Variants in C2orf49 observed in about 807,000 individuals in gnomAD.
C2orf49 encodes the protein tRNA splicing ligase complex subunit 2.
C2orf49 carries 11 observed loss-of-function variants against 20.6 expected under a neutral mutation model. The ratio of observed to expected loss-of-function variants is 0.53; its 90% confidence interval spans 0.34 to 0.88. The LOEUF (loss-of-function observed/expected upper bound fraction) is 0.88. C2orf49 is among the 40% of genes least tolerant of loss of function. The probability of loss-of-function intolerance (pLI) is 0.02; values close to 1 mark genes in which losing one functional copy is unlikely to be tolerated. For synonymous variants in C2orf49, 134 were observed against 108.5 expected, an observed-to-expected ratio of 1.24 and a Z score of -1.46; for missense variants, 289 against 274.2, an observed-to-expected ratio of 1.05 and a Z score of -0.38.
At chr2:105,342,329 A>G (rs1468370080) in intron 2 of C2orf49, among the ~76,000 whole-genome samples, 1 of 152,236 alleles carries the variant, frequency 6.6e-6, no homozygotes, top group Non-Finnish European at 1.5e-5. Flanking sequence ...CACTTGCCAG[A>G]TTTTACAATT....
the C2orf49 span, among the ~76,000 whole-genome samples, chr2:105,382,171 C>T: frequency 6.6e-6 from 1 of 152,208 alleles, no homozygotes; most frequent in East Asian, 1.9e-4. Context: ...TTCCTATTAG[C>T]TACAAAAGCT....
At chr2:105,376,119 C>G in the C2orf49 span, 1 of 152,174 alleles carries the variant, frequency 6.6e-6, no homozygotes, top group African/African-American at 2.4e-5. Flanking sequence ...ATCATTACCC[C>G]ATCTGTGAGC....
At chr2:105,342,314 T>G (rs941620708) in intron 2 of C2orf49, among the ~76,000 whole-genome samples, 2 of 152,240 alleles carry the variant, frequency 1.3e-5, no homozygotes, top group African/African-American at 4.8e-5. Flanking sequence ...AAGGTAAGTA[T>G]GAGACACTTG....
the C2orf49 span, among the ~76,000 whole-genome samples, chr2:105,370,692 T>C: frequency 4.6e-5 from 7 of 152,172 alleles, no homozygotes; most frequent in African/African-American, 1.7e-4. Flanking sequence ...TCTAACACTT[T>C]TAAAAATCAA....
chr2:105,339,609 A>T lies in C2orf49; in HGVS notation c.126A>T (p.Val42=). 1 of 1,596,722 alleles carries T rather than the reference A, an allele frequency of 6.3e-7. No homozygotes were observed. The highest frequency in any genetic ancestry group is 8.5e-7 in the Non-Finnish European group (1 of 1,176,176). Residue 42 remains valine, a synonymous_variant, in exon 2 of 4, where the codon GTA becomes GTT. Transcript: ENST00000258457. ...EQKNIAVETD[V]RVNKDSLTDL... ...AGAACATAGCTGTTGAAACTGATGT[A>T]AGAGTAAACAAAGACAGTCTTACTG... is the stretch of plus-strand genomic sequence containing the variant.
At position 105,346,831 on chromosome 2, in the gene C2orf49, T is replaced by A. The variant is rs1679825282; in HGVS notation, c.*1460T>A. The A allele has an allele frequency of 6.6e-6, 1 of 152,206 alleles. No individual in the cohort carries two copies. The highest frequency in any genetic ancestry group is 2.1e-4 in the South Asian group (1 of 4,834). The allele number at this position is 152,206 out of a possible 1,614,324, so 9.4% of individuals were successfully genotyped here. A position where few individuals can be genotyped will look rare whatever the true frequency, so the allele number is the denominator to read the frequency against. On this transcript the variant is annotated 3_prime_UTR_variant, in exon 4 of 4. Transcript: ENST00000258457. ...GTTTGAGTGGTATTTTCACTCCAAT[T>A]GTATAATGGAAATCAGTGGGAAAAT... is the stretch of plus-strand genomic sequence containing the variant.
At position 105,348,590 on chromosome 2, in the gene C2orf49, T is replaced by C. The variant is rs1438094681; in HGVS notation, c.*3219T>C. The C allele has an allele frequency of 2.7e-5, 4 of 149,058 alleles. No individual in the cohort carries two copies. Among genetic ancestry groups the C allele is most frequent in the African/African-American group, 9.8e-5 (4 of 40,728 alleles). 9.2% of individuals were successfully genotyped at this position (149,058 alleles called of 1,614,324 possible). A position where few individuals can be genotyped will look rare whatever the true frequency, so the allele number is the denominator to read the frequency against. ...CTTCCTCTATTTACTACTGTTGAAC[T>C]TCAGTAATTTTTAGAGGCTAAATAA... On this transcript the variant is annotated 3_prime_UTR_variant, in exon 4 of 4. Transcript: ENST00000258457.
intron 2 of C2orf49, 146 bp from the exon 3 acceptor site, chr2:105,342,702 T>C: frequency 2.7e-6 from 2 of 727,704 alleles, no homozygotes; most frequent in South Asian, 2.6e-5. Context: ...TCATTTAGAA[T>C]GAACATAGAA....
rs1316729301 is a variant in C2orf49, at chr2:105,346,720, A to G, written c.*1349A>G. Reference sequence around the variant, plus strand: ...ATAGGAAGATGGACTCCTAGCTTACATGAGATTCCCTGCAGCTGTAATATA... The same window carrying G: ...ATAGGAAGATGGACTCCTAGCTTACGTGAGATTCCCTGCAGCTGTAATATA... On this transcript the variant is annotated 3_prime_UTR_variant, in exon 4 of 4. Transcript: ENST00000258457. The G allele has an allele frequency of 6.6e-6, 1 of 152,212 alleles. No individual in the cohort carries two copies. Among genetic ancestry groups the G allele is most frequent in the Non-Finnish European group, 1.5e-5 (1 of 68,040 alleles). 9.4% of individuals were successfully genotyped at this position (152,212 alleles called of 1,614,324 possible).
intron 1 of C2orf49, 136 bp downstream of exon 1, chr2:105,337,822 C>A: frequency 1.4e-6 from 1 of 720,666 alleles, no homozygotes; most frequent in Non-Finnish European, 2.3e-6. Flanking sequence ...CCACACAGAC[C>A]AGGCAGCTGT....
the C2orf49 span, among the ~76,000 whole-genome samples, chr2:105,364,871 G>A: frequency 6.6e-6 from 1 of 152,162 alleles, no homozygotes; most frequent in African/African-American, 2.4e-5. Context: ...GACGAAGCAG[G>A]AACTAGAATT....
chr2:105,340,386 G>T (rs1273818579), intron 2 of C2orf49, among the ~76,000 whole-genome samples: 1 of 152,204 alleles, frequency 6.6e-6, no homozygotes, highest in Non-Finnish European at 1.5e-5. Flanking sequence ...GGGAGGGGAA[G>T]CGGTGTGTAT....
chr2:105,384,928 C>G, the C2orf49 span, among the ~76,000 whole-genome samples: 2 of 152,232 alleles, frequency 1.3e-5, no homozygotes, highest in Non-Finnish European at 2.9e-5. Flanking sequence ...GGTGGCTGAG[C>G]TCTCATGCTT....
intron 3 of C2orf49, among the ~76,000 whole-genome samples, chr2:105,343,453 T>TA (rs1433379323): frequency 6.6e-6 from 1 of 152,242 alleles, no homozygotes; most frequent in Admixed American, 6.5e-5. Flanking sequence ...CTGCTTAAAA[T>TA]ACGTAGAGAG....
chr2:105,363,850 C>G, the C2orf49 span, among the ~76,000 whole-genome samples: 1 of 152,202 alleles, frequency 6.6e-6, no homozygotes, highest in Admixed American at 6.5e-5. Context: ...TAACCCTACT[C>G]CTTACCAGCC....
the C2orf49 span, among the ~76,000 whole-genome samples, chr2:105,381,820 TA>T: frequency 1.3e-5 from 2 of 151,752 alleles, no homozygotes; most frequent in Non-Finnish European, 2.9e-5. Flanking sequence ...CCCCAACAAA[TA>T]AAAAAGCACC....
At chr2:105,351,313 G>GC (rs376749614), downstream of C2orf49, among the ~76,000 whole-genome samples, 1,815 of 35,938 alleles carry the variant, frequency 0.051, 82 homozygotes, top group Non-Finnish European at 0.073. Context: ...TGCCCACCGC[G>GC]CCCCCCCCCC....
the C2orf49 span, among the ~76,000 whole-genome samples, chr2:105,369,268 TATAG>T: frequency 6.6e-6 from 1 of 152,162 alleles, no homozygotes; most frequent in Non-Finnish European, 1.5e-5. Context: ...ACAGGTGGCT[TATAG>T]GAGTCTATAG....
chr2:105,361,090 A>G, the C2orf49 span: 1 of 488,880 alleles, frequency 2.0e-6, no homozygotes, highest in Non-Finnish European at 3.5e-6. Flanking sequence ...GCCTAGGGCG[A>G]GTTTTCTCTT....
Sources: allele counts gnomAD v4.1 joint callset (sites outside exome capture counted in the v4.1 genomes callset), GRCh38; gene constraint gnomAD v4.1.1; transcripts MANE v1.5; gene names NCBI Gene and HGNC (gene_info 2026-07-23, HGNC 2026-07-21).